Variants in SLC9A1 observed in about 807,000 individuals in gnomAD.
The protein encoded by SLC9A1 is sodium/hydrogen exchanger 1.
In SLC9A1, 22 loss-of-function variants were observed where a neutral mutation model predicts 67.9. That is an observed-to-expected ratio of 0.32 (90% CI 0.23 to 0.46). SLC9A1 has a LOEUF of 0.46. Among genes scored for constraint, SLC9A1 ranks in the 20% least tolerant of loss-of-function variants. SLC9A1 has a pLI of 1.00. For missense variants in SLC9A1, 686 were observed against 1,094.8 expected, an observed-to-expected ratio of 0.63 and a Z score of 5.27; for synonymous variants, 421 against 471.8, an observed-to-expected ratio of 0.89 and a Z score of 1.40.
chr1:27,127,478 C>T (rs979235851), intron 1 of SLC9A1, among the ~76,000 whole-genome samples: 3 of 152,186 alleles, frequency 2.0e-5, no homozygotes, highest in African/African-American at 4.8e-5. Flanking sequence ...TGGGTAGCAG[C>T]GGAGGCAGGT....
chr1:27,102,672 C>T lies in SLC9A1; in HGVS notation c.1646+1G>A. 1 of 1,613,804 alleles carries T rather than the reference C, an allele frequency of 6.2e-7. No homozygotes were observed. The highest frequency in any genetic ancestry group is 8.5e-7 in the Non-Finnish European group (1 of 1,179,942). The stretch of plus-strand genomic sequence containing the variant: ...GCCTGCCCACCAGGCCTGCCACCTA[C>T]TTGTCCTTCCAGTGGTGGTGACCGT... On this transcript the variant is annotated splice_donor_variant, in intron 7 of 11. Coordinates refer to ENST00000263980, the MANE Select transcript of SLC9A1 (RefSeq NM_003047.5). LOFTEE classifies it high-confidence loss of function.
chr1:27,131,947 A>AAAAAAAAAAAAAATATATATAT, intron 1 of SLC9A1, among the ~76,000 whole-genome samples: 1 of 52,126 alleles, frequency 1.9e-5, no homozygotes, highest in African/African-American at 6.3e-5. Context: ...AGAAAAAAAA[A>AAAAAAAAAAAAAATATATATAT]ATATATATAT....
At chr1:27,130,154 G>A (rs1266956960) in intron 1 of SLC9A1, among the ~76,000 whole-genome samples, 10 of 152,222 alleles carry the variant, frequency 6.6e-5, no homozygotes, top group Admixed American at 6.5e-4. Flanking sequence ...AGGCTGGAGT[G>A]CAGTGGCACA....
At chr1:27,142,715 G>A (rs1413996037) in intron 1 of SLC9A1, among the ~76,000 whole-genome samples, 1 of 152,202 alleles carries the variant, frequency 6.6e-6, no homozygotes, top group African/African-American at 2.4e-5. Flanking sequence ...GCATAAAGAA[G>A]CCAGTACCTT....
chr1:27,115,984 G>A (rs1033262466), intron 1 of SLC9A1, among the ~76,000 whole-genome samples: 8 of 152,142 alleles, frequency 5.3e-5, no homozygotes, highest in Admixed American at 3.3e-4. Context: ...TGGGACAGAG[G>A]AGGAACTTCC....
At chr1:27,103,105 C>T in intron 6 of SLC9A1, 118 bp downstream of exon 6, 1 of 789,790 alleles carries the variant, frequency 1.3e-6, no homozygotes. Flanking sequence ...GCAGAGGGAG[C>T]CCCTGGGCAC....
At chr1:27,104,610 A>G (rs1372451002) in intron 5 of SLC9A1, among the ~76,000 whole-genome samples, 2 of 151,608 alleles carry the variant, frequency 1.3e-5, no homozygotes, top group Admixed American at 6.6e-5. Context: ...GCTGCTCTTG[A>G]ACTACTGGGC....
rs563989922 is a variant in SLC9A1, at chr1:27,118,897, C to A, written c.353-4611G>T. ...GTCCAGTCCTCCCAGAACAAGGAGG[C>A]ACGAAAGTGTGGAATTCAACATCTC... On this transcript the variant is annotated intron_variant, in intron 1 of 11. Transcript: ENST00000263980. The surrounding 1 kb of genome is among the most constrained non-coding windows in gnomAD (Gnocchi z 4.3). Among the ~76,000 whole-genome samples, 4 of 152,154 alleles carry A rather than the reference C, an allele frequency of 2.6e-5. No individual in the cohort carries two copies. Among genetic ancestry groups the A allele is most frequent in the Non-Finnish European group, 2.9e-5 (2 of 68,032 alleles).
At position 27,153,616 on chromosome 1, in the gene SLC9A1, G is replaced by A. The variant is rs41291062; in HGVS notation, c.352+367C>T. 2.8e-3 allele frequency among the ~76,000 whole-genome samples: 426 copies of A among 152,298 alleles called. 1 individual carries two copies. Among genetic ancestry groups the A allele is most frequent in the South Asian group, 0.011 (51 of 4,824 alleles). Reference sequence around the variant, plus strand: ...GTTGACAGAGCAGAATGTGCCACTCGCCAGAAGACACTCCTTTCTGTCTCA... The same window carrying A: ...GTTGACAGAGCAGAATGTGCCACTCACCAGAAGACACTCCTTTCTGTCTCA... On this transcript the variant is annotated intron_variant, in intron 1 of 11. Coordinates refer to ENST00000263980, the MANE Select transcript of SLC9A1 (RefSeq NM_003047.5).
chr1:27,136,181 T>C lies in SLC9A1; in HGVS notation c.352+17802A>G, dbSNP rs568288919. Among the ~76,000 whole-genome samples the C allele has an allele frequency of 1.4e-4, 21 of 152,336 alleles. No homozygotes were observed. The South Asian group carries it at 4.3e-3, about 32-fold the overall frequency. On this transcript the variant is annotated intron_variant, in intron 1 of 11. Transcript: ENST00000263980. ...ATCCTCAGCGCTAAGCACACATCCC[T>C]GTGGTTCAGTCACTAAGGGAAGCCT...
intron 1 of SLC9A1, 88 bp downstream of exon 1, chr1:27,153,895 A>T: frequency 1.2e-6 from 1 of 857,068 alleles, no homozygotes; most frequent in Non-Finnish European, 1.8e-6. Context: ...TCAGATCCTT[A>T]CTCCTGGACA....
chr1:27,109,691 C>T lies in SLC9A1; in HGVS notation c.900G>A (p.Val300=). ...DIFLGFLSFF[V]VALGGVLVGV... ...CCACAAGCACCCCGCCCAGGGCCAC[C>T]ACGAAGAAGCTCAGGAAGCCGAGGA... Residue 300 remains valine, a synonymous_variant, in exon 3 of 12, where the codon GTG becomes GTA. Transcript: ENST00000263980. This position sits in a 1 kb window ranked among gnomAD's most constrained non-coding sequence, Gnocchi z 5.5. 6.2e-7 allele frequency: 1 copy of T among 1,614,010 alleles called. No homozygotes were observed. The highest frequency in any genetic ancestry group is 8.5e-7 in the Non-Finnish European group (1 of 1,180,014).
At position 27,154,564 on chromosome 1, in the gene SLC9A1, G is replaced by GA; in HGVS notation, c.-231dup. On this transcript the variant is annotated 5_prime_UTR_variant, in exon 1 of 12. Transcript: ENST00000263980. ...GGGGCAAGGACCCAGGAACGACCAC[G>GA]AAAGGAGACCAAAAGGTCTGGAACT... is the stretch of plus-strand genomic sequence containing the variant. The GA allele has an allele frequency of 2.1e-6, 1 of 476,900 alleles. No homozygotes were observed. The highest frequency in any genetic ancestry group is 3.5e-5 in the East Asian group (1 of 28,610). 29.5% of individuals were successfully genotyped at this position (476,900 alleles called of 1,614,324 possible).
Position 27,100,170 on chromosome 1 carries a change from G to T in SLC9A1, c.*137C>A, listed in dbSNP as rs1570840073. The T allele has an allele frequency of 1.8e-5, 11 of 603,592 alleles. No individual in the cohort carries two copies. The East Asian group carries it at 3.3e-4, about 18-fold the overall frequency. The allele number at this position is 603,592 out of a possible 1,614,324, so 37.4% of individuals were successfully genotyped here. A position where few individuals can be genotyped will look rare whatever the true frequency, so the allele number is the denominator to read the frequency against. ...GGGGAGGAGCTGTGCTGGGGTGGGGGCTGTGGGCCCAGCTGCCATGCGGTA... is the reference window on the plus strand; with the variant it reads ...GGGGAGGAGCTGTGCTGGGGTGGGGTCTGTGGGCCCAGCTGCCATGCGGTA... On this transcript the variant is annotated 3_prime_UTR_variant, in exon 12 of 12. Transcript: ENST00000263980. The surrounding 1 kb of genome is among the most constrained non-coding windows in gnomAD (Gnocchi z 5.6).
In SLC9A1 at chr1:27,100,690, C is replaced by T. The variant is rs754407329; in HGVS notation, c.2111-46G>A. The T allele has an allele frequency of 2.1e-5, 31 of 1,491,568 alleles. No homozygotes were observed. The highest frequency in any genetic ancestry group is 2.5e-5 in the Non-Finnish European group (27 of 1,097,282). The allele number at this position is 1,491,568 out of a possible 1,614,324, so 92.4% of individuals were successfully genotyped here. On this transcript the variant is annotated intron_variant, in intron 11 of 11. Coordinates refer to ENST00000263980, the MANE Select transcript of SLC9A1 (RefSeq NM_003047.5). This position sits in a 1 kb window ranked among gnomAD's most constrained non-coding sequence, Gnocchi z 5.6. The stretch of plus-strand genomic sequence containing the variant: ...ACAAGCTGGGTTCCGCTCTGGAGCC[C>T]GGCCCAGCACGTGCCACTCGGCCGC...
chr1:27,114,306 G>C lies in SLC9A1; in HGVS notation c.353-20C>G. On this transcript the variant is annotated intron_variant, in intron 1 of 11. Transcript: ENST00000263980. The surrounding 1 kb of genome is among the most constrained non-coding windows in gnomAD (Gnocchi z 5.4). ...GGAAACCTGCGGAGGGCGAGAGAAC[G>C]GGAGGCCATGGGCTTTCGGAGGAGC... is the stretch of plus-strand genomic sequence containing the variant. The C allele has an allele frequency of 1.3e-6, 2 of 1,586,078 alleles. No individual in the cohort carries two copies. Among genetic ancestry groups the C allele is most frequent in the South Asian group, 2.2e-5 (2 of 88,952 alleles).
At chr1:27,152,832 T>C (rs1427980771) in intron 1 of SLC9A1, among the ~76,000 whole-genome samples, 1 of 152,182 alleles carries the variant, frequency 6.6e-6, no homozygotes, top group Non-Finnish European at 1.5e-5. Context: ...GCTCAGCTCC[T>C]GCATGTCCTT....
intron 5 of SLC9A1, among the ~76,000 whole-genome samples, chr1:27,105,146 C>T (rs2083174963): frequency 6.6e-6 from 1 of 152,206 alleles, no homozygotes; most frequent in Non-Finnish European, 1.5e-5. Context: ...CTGCCTGGCT[C>T]ATAGCCCTTT....
chr1:27,101,786 T>C lies in SLC9A1; in HGVS notation c.1976A>G (p.Tyr659Cys). ...YNRHTLVADP[Y>C]EEAWNQMLLR... ...CAGCATCTGGTTCCAGGCTTCCTCG[T>C]AGGGGTCTGCCACCAGCGTGTGTCT... The change falls in exon 10 of 12, where the codon TAC (tyrosine) becomes TGC (cysteine). Residue 659 changes from tyrosine to cysteine, a missense_variant. Physicochemically the swap from Tyr to Cys is radical, Grantham distance 194. This residue lies in a region of SLC9A1 where 226 missense variants were observed against 282.4 expected (regional missense o/e 0.80). Transcript: ENST00000263980. This position sits in a 1 kb window ranked among gnomAD's most constrained non-coding sequence, Gnocchi z 4.9. The C allele has an allele frequency of 6.2e-7, 1 of 1,612,922 alleles. No individual in the cohort carries two copies. Among genetic ancestry groups the C allele is most frequent in the Non-Finnish European group, 8.5e-7 (1 of 1,179,946 alleles).
Sources: gnomAD v4.1 joint callset for allele counts (sites outside exome capture counted in the v4.1 genomes callset) on GRCh38, gnomAD v4.1.1 for gene constraint, gnomAD v4.1.1 regional missense constraint, Gnocchi (gnomAD v3.1) non-coding constraint, MANE v1.5 for transcripts, NCBI Gene and HGNC (gene_info 2026-07-23, HGNC 2026-07-21) for gene names.